The following PTPRO variants were observed in gnomAD, a reference collection of about 807,000 sequenced individuals.
The protein encoded by PTPRO is receptor-type tyrosine-protein phosphatase O.
In PTPRO, 62 loss-of-function variants were observed where a neutral mutation model predicts 145.2. The observed-to-expected ratio is 0.43, with a 90% CI of 0.35 to 0.53. The LOEUF (loss-of-function observed/expected upper bound fraction) is 0.53. Ranked by LOEUF, PTPRO falls within the 20% of genes least tolerant of loss-of-function variation. PTPRO has a pLI of 0.01. For missense variants in PTPRO, 1,345 were observed against 1,482.7 expected (o/e 0.91, Z 1.53); for synonymous variants, 565 against 514.7 (o/e 1.10, Z -1.32).
intron 1 of PTPRO, among the ~76,000 whole-genome samples, chr12:15,368,164 G>A (rs1466169421): frequency 6.6e-6 from 1 of 152,010 alleles, no homozygotes; most frequent in African/African-American, 2.4e-5. Context: ...CTCCATTCCT[G>A]CCAAGCCTTT....
chr12:15,422,565 A>G (rs1453892631), intron 1 of PTPRO, among the ~76,000 whole-genome samples: 3 of 152,138 alleles, frequency 2.0e-5, no homozygotes, highest in Non-Finnish European at 4.4e-5. Context: ...CATTTTTTCT[A>G]TTCCTCCAGA....
At chr12:15,466,112 A>T (rs558831334) in intron 1 of PTPRO, among the ~76,000 whole-genome samples, 17 of 152,316 alleles carry the variant, frequency 1.1e-4, no homozygotes, top group African/African-American at 3.8e-4. Context: ...CCTGTGTACA[A>T]CAATCTAACA....
chr12:15,553,202 T>C (rs915966484), intron 15 of PTPRO, among the ~76,000 whole-genome samples: 3 of 152,082 alleles, frequency 2.0e-5, no homozygotes, highest in Non-Finnish European at 4.4e-5. Context: ...TGACAGTATA[T>C]GAAACAGACA....
At chr12:15,464,296 A>C (rs1311326264) in intron 1 of PTPRO, among the ~76,000 whole-genome samples, 2 of 152,186 alleles carry the variant, frequency 1.3e-5, no homozygotes, top group Non-Finnish European at 2.9e-5. Flanking sequence ...ATGTGGATCT[A>C]ACACACAGCC....
chr12:15,513,092 G>GA (rs796145717), intron 7 of PTPRO, among the ~76,000 whole-genome samples: 2,082 of 19,580 alleles, frequency 0.11, 291 homozygotes, highest in African/African-American at 0.22. Context: ...AAGAAAGAAA[G>GA]AAGAAAGAAA....
At chr12:15,431,186 A>G (rs373945977) in intron 1 of PTPRO, among the ~76,000 whole-genome samples, 1 of 152,146 alleles carries the variant, frequency 6.6e-6, no homozygotes, top group Non-Finnish European at 1.5e-5. Context: ...ATTTGCCTGG[A>G]CACCACCATG....
intron 1 of PTPRO, among the ~76,000 whole-genome samples, chr12:15,327,056 A>C (rs1414303687): frequency 6.6e-6 from 1 of 152,250 alleles, no homozygotes; most frequent in Non-Finnish European, 1.5e-5. Context: ...TCTGACTGAG[A>C]ATTATGAAAT....
intron 1 of PTPRO, chr12:15,440,494 G>T (rs373485866): frequency 2.2e-5 from 4 of 181,652 alleles, no homozygotes; most frequent in Non-Finnish European, 3.4e-5. Flanking sequence ...CCCATCTTAC[G>T]TGTAAAGACA....
chr12:15,588,474 C>T (rs1944475916), intron 24 of PTPRO, among the ~76,000 whole-genome samples: 1 of 152,116 alleles, frequency 6.6e-6, no homozygotes, highest in African/African-American at 2.4e-5. Context: ...AGTTGGTCAG[C>T]GCATGTCAGT....
At chr12:15,464,787 T>C (rs1302697198) in intron 1 of PTPRO, among the ~76,000 whole-genome samples, 3 of 152,176 alleles carry the variant, frequency 2.0e-5, no homozygotes, top group African/African-American at 7.2e-5. Context: ...ATAACAGCCA[T>C]CTTATGAACA....
chr12:15,349,655 TG>T, intron 1 of PTPRO, among the ~76,000 whole-genome samples: 1 of 152,124 alleles, frequency 6.6e-6, no homozygotes. Flanking sequence ...TTTACACAAA[TG>T]TGCCCTTAAA....
chr12:15,433,509 T>C (rs1206152437), intron 1 of PTPRO, among the ~76,000 whole-genome samples: 1 of 152,234 alleles, frequency 6.6e-6, no homozygotes, highest in Non-Finnish European at 1.5e-5. Context: ...TTTAAGTCTT[T>C]AATCCATCTT....
At chr12:15,511,583 G>A (rs527588447) in intron 7 of PTPRO, among the ~76,000 whole-genome samples, 25 of 152,150 alleles carry the variant, frequency 1.6e-4, no homozygotes, top group Non-Finnish European at 2.4e-4. Flanking sequence ...TTTATGAGAC[G>A]GAGTCTCGCT....
intron 3 of PTPRO, among the ~76,000 whole-genome samples, chr12:15,497,994 A>G (rs539227797): frequency 6.7e-6 from 1 of 150,238 alleles, no homozygotes; most frequent in East Asian, 2.0e-4. Flanking sequence ...GGAAGGGGCT[A>G]GAGGGAGAGG....
At position 15,483,970 on chromosome 12, in the gene PTPRO, A is replaced by G. The variant is rs1377743558; in HGVS notation, c.76-4A>G. ...ATCTCTTTTTATTCTGTTTCATTCA[A>G]CAGAATGCTACAGCTTTCCATGTAA... is the stretch of plus-strand genomic sequence containing the variant. On this transcript the variant is annotated splice_polypyrimidine_tract_variant and splice_region_variant and intron_variant, in intron 1 of 26. Transcript: ENST00000281171. 5.6e-6 allele frequency: 9 copies of G among 1,612,864 alleles called. No homozygotes were observed. Among genetic ancestry groups the G allele is most frequent in the African/African-American group, 1.3e-5 (1 of 74,908 alleles).
At chr12:15,476,690 T>C (rs1055055314) in intron 1 of PTPRO, among the ~76,000 whole-genome samples, 1 of 152,160 alleles carries the variant, frequency 6.6e-6, no homozygotes, top group African/African-American at 2.4e-5. Flanking sequence ...AGGGTTTTTA[T>C]GGTTTTAGGT....
rs77992169 is a variant in PTPRO at position 15,390,733 on chromosome 12, A to T, written c.75+67932A>T. 3.6e-3 allele frequency among the ~76,000 whole-genome samples: 552 copies of T among 152,284 alleles called. 4 individuals carry two copies. Among genetic ancestry groups the T allele is most frequent in the African/African-American group, 0.013 (521 of 41,566 alleles). ...CAAAGCTAATTGAAACATTTATTGG[A>T]ACTTATTAGCACAGCAGTGGCTGGG... On this transcript the variant is annotated intron_variant, in intron 1 of 26. Transcript: ENST00000281171.
At chr12:15,447,518 A>C (rs896517468) in intron 1 of PTPRO, among the ~76,000 whole-genome samples, 1 of 152,164 alleles carries the variant, frequency 6.6e-6, no homozygotes, top group Admixed American at 6.6e-5. Context: ...GGTTTTGATG[A>C]GCAAGGCAGC....
chr12:15,382,172 A>ATATATATATATT (rs1938881833), intron 1 of PTPRO, among the ~76,000 whole-genome samples: 1 of 148,624 alleles, frequency 6.7e-6, no homozygotes, highest in South Asian at 2.1e-4. Flanking sequence ...ATATATATAT[A>ATATATATATATT]TATATTTATA....
Sources: gnomAD v4.1 joint callset for allele counts (sites outside exome capture counted in the v4.1 genomes callset) on GRCh38, gnomAD v4.1.1 for gene constraint, MANE v1.5 for transcripts, NCBI Gene and HGNC (gene_info 2026-07-23, HGNC 2026-07-21) for gene names.